PLA2R1: variants seen among roughly 807,000 people sequenced by gnomAD.
PLA2R1 encodes phospholipase A2 receptor 1.
Under a neutral mutation model 195.9 loss-of-function variants are expected in PLA2R1, and 158 were observed. The observed-to-expected ratio is 0.81, with a 90% CI of 0.71 to 0.92. The LOEUF (loss-of-function observed/expected upper bound fraction) is 0.92. Among genes scored for constraint, PLA2R1 ranks in the 40% least tolerant of loss-of-function variants. PLA2R1 has a pLI of 0.00. For missense variants in PLA2R1, 1,626 were observed against 1,764.6 expected, an observed-to-expected ratio of 0.92 and a Z score of 1.41; for synonymous variants, 586 against 598.2, an observed-to-expected ratio of 0.98 and a Z score of 0.30.
intron 8 of PLA2R1, among the ~76,000 whole-genome samples, chr2:160,019,193 C>G (rs1239402594): frequency 2.0e-5 from 3 of 152,192 alleles, no homozygotes; most frequent in Non-Finnish European, 4.4e-5. Context: ...GGAAAAAAAG[C>G]AAGATTTGCC....
chr2:160,052,064 T>G (rs1475887569), intron 1 of PLA2R1, among the ~76,000 whole-genome samples: 1 of 152,220 alleles, frequency 6.6e-6, no homozygotes, highest in Non-Finnish European at 1.5e-5. Context: ...CTCCTACAGC[T>G]TCTGAACCTA....
chr2:160,035,904 A>T (rs1364544796), intron 3 of PLA2R1, among the ~76,000 whole-genome samples: 4 of 152,090 alleles, frequency 2.6e-5, no homozygotes, highest in Admixed American at 2.0e-4. Flanking sequence ...GACTTTATCA[A>T]ACAAGCCCCT....
chr2:159,946,972 T>A, intron 26 of PLA2R1, 55 bp from the exon 27 acceptor site: 2 of 1,111,330 alleles, frequency 1.8e-6, no homozygotes, highest in Non-Finnish European at 2.6e-6. Flanking sequence ...AAATATACTT[T>A]AAAAAATGTT....
intron 3 of PLA2R1, among the ~76,000 whole-genome samples, chr2:160,038,381 C>T (rs912742261): frequency 6.6e-6 from 1 of 152,168 alleles, no homozygotes; most frequent in Non-Finnish European, 1.5e-5. Flanking sequence ...GGTGTGACTG[C>T]TACTTTGCGT....
At chr2:160,053,371 A>G (rs1573984859) in intron 1 of PLA2R1, among the ~76,000 whole-genome samples, 1 of 150,506 alleles carries the variant, frequency 6.6e-6, no homozygotes, top group East Asian at 1.9e-4. Flanking sequence ...AACAATTCAG[A>G]TCATAACCAT....
downstream of PLA2R1, chr2:159,931,865 C>T (rs1028842816): frequency 6.6e-6 from 1 of 152,150 alleles, no homozygotes; most frequent in South Asian, 2.1e-4. Flanking sequence ...GATAAATGTA[C>T]GTTTATGTGT....
In PLA2R1 at chr2:159,987,175, C is replaced by T. The variant is rs778497570; in HGVS notation, c.2018G>A (p.Gly673Asp). 2 of 1,613,620 alleles carry T rather than the reference C, an allele frequency of 1.2e-6. No individual in the cohort carries two copies. The highest frequency in any genetic ancestry group is 1.7e-6 in the Non-Finnish European group (2 of 1,179,574). Residue 673 changes from glycine (G) to aspartate (D), a missense_variant, in exon 12 of 30, where the codon GGT becomes GAT. Coordinates refer to ENST00000283243, the MANE Select transcript of PLA2R1 (RefSeq NM_007366.5). ...PCYLDWESEP[G>D]LASCFKVFHS... Reference sequence around the variant, plus strand: ...TATCACCTTGAAGCAACTGGCCAGACCAGGCTCTGACTCCCAGTCCAAATA... The same window carrying T: ...TATCACCTTGAAGCAACTGGCCAGATCAGGCTCTGACTCCCAGTCCAAATA...
At chr2:160,010,487 C>T (rs1240863758) in intron 10 of PLA2R1, among the ~76,000 whole-genome samples, 1 of 152,192 alleles carries the variant, frequency 6.6e-6, no homozygotes, top group Admixed American at 6.5e-5. Flanking sequence ...TAATTTGTAG[C>T]AGGTGGTTCT....
rs573910578 is a variant in PLA2R1, at chr2:160,022,714, G to A, written c.1245C>T (p.Asp415=). ...SCQADNSALI[D]ITSLAEVEFL... ...ACTCCACCTCTGCTAATGAGGTTAT[G>A]TCTATTAATGCACTGTTATCAGCCT... The change falls in exon 7 of 30, where the codon GAC becomes GAT. Residue 415 remains aspartate (D), a synonymous_variant. Transcript: ENST00000283243. 1.2e-6 allele frequency: 2 copies of A among 1,612,810 alleles called. No individual in the cohort carries two copies. The highest frequency in any genetic ancestry group is 1.7e-6 in the Non-Finnish European group (2 of 1,179,366).
At position 159,969,377 on chromosome 2, in the gene PLA2R1, A is replaced by C; in HGVS notation, c.2661-18T>G. 2 of 1,371,454 alleles carry C rather than the reference A, an allele frequency of 1.5e-6. No individual in the cohort carries two copies. Among genetic ancestry groups the C allele is most frequent in the Non-Finnish European group, 2.1e-6 (2 of 960,932 alleles). 85.0% of individuals were successfully genotyped at this position (1,371,454 alleles called of 1,614,324 possible). A position where few individuals can be genotyped will look rare whatever the true frequency, so the allele number is the denominator to read the frequency against. ...CTCTCCAGCTGTGGGAAGATTAAAA[A>C]TGTTAAGGTCTTCTCTCATTCTGCA... On this transcript the variant is annotated intron_variant, in intron 18 of 29. Transcript: ENST00000283243.
Position 159,932,869 on chromosome 2 carries a change from T to C in PLA2R1, c.*8909A>G, listed in dbSNP as rs913749839. ...TATTTGAAAAATATCCAGGAACATA[T>C]ACATTGGATCTAATATAAATAAGAG... is the stretch of plus-strand genomic sequence containing the variant. On this transcript the variant is annotated 3_prime_UTR_variant, in exon 30 of 30. Transcript: ENST00000283243. 3.3e-5 allele frequency: 5 copies of C among 152,128 alleles called. No homozygotes were observed. Among genetic ancestry groups the C allele is most frequent in the Admixed American group, 2.0e-4 (3 of 15,270 alleles). 9.4% of individuals were successfully genotyped at this position (152,128 alleles called of 1,614,324 possible).
intron 15 of PLA2R1, 67 bp from the exon 16 acceptor site, chr2:159,976,787 C>A (rs1689591770): frequency 1.8e-6 from 2 of 1,112,838 alleles, no homozygotes; most frequent in Non-Finnish European, 2.8e-6. Flanking sequence ...TGAATTACTT[C>A]AGCTCTAAAC....
At chr2:160,059,368 T>C (rs1479415553) in intron 1 of PLA2R1, among the ~76,000 whole-genome samples, 1 of 152,128 alleles carries the variant, frequency 6.6e-6, no homozygotes, top group African/African-American at 2.4e-5. Flanking sequence ...TAAGTAATTG[T>C]TATGGGGCTG....
chr2:160,024,512 C>T (rs1298405217), intron 6 of PLA2R1, among the ~76,000 whole-genome samples: 1 of 152,140 alleles, frequency 6.6e-6, no homozygotes, highest in Non-Finnish European at 1.5e-5. Context: ...CCCTGGCTGC[C>T]CAAAACAGTC....
At chr2:159,925,694 C>T in the PLA2R1 span, among the ~76,000 whole-genome samples, 13 of 152,286 alleles carry the variant, frequency 8.5e-5, no homozygotes, top group Middle Eastern at 6.8e-3. Context: ...TCCCAGCTCC[C>T]CAAACACTAG....
intron 24 of PLA2R1, among the ~76,000 whole-genome samples, chr2:159,951,058 T>C (rs1335881461): frequency 2.0e-5 from 3 of 152,144 alleles, no homozygotes; most frequent in Non-Finnish European, 4.4e-5. Flanking sequence ...TGCAAGGCAG[T>C]ATCGGGGTAC....
Position 159,935,357 on chromosome 2 carries a change from T to A in PLA2R1, c.*6421A>T, listed in dbSNP as rs1686771667. On this transcript the variant is annotated 3_prime_UTR_variant, in exon 30 of 30. Transcript: ENST00000283243. ...GTCTTGCCAACAATTATTACTGTTG[T>A]GTTTTCCTGATAGTGATTTTTGTTT... 1 of 152,254 alleles carries A rather than the reference T, an allele frequency of 6.6e-6. No homozygotes were observed. The allele number at this position is 152,254 out of a possible 1,614,324, so 9.4% of individuals were successfully genotyped here.
At chr2:160,042,274 C>A in intron 2 of PLA2R1, 76 bp from the exon 3 acceptor site, 2 of 1,297,576 alleles carry the variant, frequency 1.5e-6, no homozygotes, top group Middle Eastern at 2.0e-4. Flanking sequence ...ATATCGAAAG[C>A]ATTTTTTATG....
chr2:160,002,768 G>A (rs1691689737), intron 11 of PLA2R1, among the ~76,000 whole-genome samples: 1 of 151,970 alleles, frequency 6.6e-6, no homozygotes, highest in South Asian at 2.1e-4. Context: ...ATATCACTAA[G>A]TTAAGTTTAC....
Sources: gnomAD v4.1 joint callset for allele counts (sites outside exome capture counted in the v4.1 genomes callset) on GRCh38, gnomAD v4.1.1 for gene constraint, MANE v1.5 for transcripts, NCBI Gene and HGNC (gene_info 2026-07-23, HGNC 2026-07-21) for gene names.